SV2B: variants seen among roughly 807,000 people sequenced by gnomAD.
SV2B encodes solute carrier family 22 member B2.
SV2B carries 41 observed loss-of-function variants against 73.9 expected under a neutral mutation model. That is an observed-to-expected ratio of 0.56 (90% confidence interval 0.43 to 0.72). SV2B has a LOEUF of 0.72. Among genes scored for constraint, SV2B ranks in the 30% least tolerant of loss-of-function variants. The probability of loss-of-function intolerance (pLI) is 0.00; values close to 1 mark genes in which losing one functional copy is unlikely to be tolerated. For synonymous variants in SV2B, 314 were observed against 314.2 expected, an observed-to-expected ratio of 1.00 and a Z score of 0.01; for missense variants, 764 against 857.8, an observed-to-expected ratio of 0.89 and a Z score of 1.37.
chr15:91,109,113 C>G (rs1266094430), intron 1 of SV2B, among the ~76,000 whole-genome samples: 1 of 152,216 alleles, frequency 6.6e-6, no homozygotes, highest in African/African-American at 2.4e-5. Context: ...CATCCTTCCT[C>G]CTGTGCCCAT....
rs539217445 is a variant in SV2B at position 91,289,229 on chromosome 15, CT to C, written c.1709-291del. Among the ~76,000 whole-genome samples the C allele has an allele frequency of 5.1e-4, 78 of 152,326 alleles. 1 individual carries two copies. Among genetic ancestry groups the C allele is most frequent in the African/African-American group, 1.9e-3 (77 of 41,572 alleles). On this transcript the variant is annotated intron_variant, in intron 11 of 12. Coordinates refer to ENST00000394232, the MANE Select transcript of SV2B (RefSeq NM_001323032.3). This position sits in a 1 kb window ranked among gnomAD's most constrained non-coding sequence, Gnocchi z 4.9. ...CATAATAGATTCTCAACAAATGCCC[CT>C]ATCTGCCCCGTCCCGTCACTCTGAG...
At position 91,266,677 on chromosome 15, in the gene SV2B, G is replaced by C. The variant is rs1319047656; in HGVS notation, c.1104G>C (p.Lys368Asn). Residue 368 changes from lysine (K) to asparagine (N), a missense_variant, in exon 7 of 13, where the codon AAG (lysine) becomes AAC (asparagine). Physicochemically the swap from Lys to Asn is moderately conservative, Grantham distance 94. Transcript: ENST00000394232. ...ACCAGCGCTGGCTGGTCAGATTCAA[G>C]ACCATTTTCAAGCAGGTATGATTGG... ...TWYQRWLVRF[K>N]TIFKQVWDNA... 1.2e-6 allele frequency: 2 copies of C among 1,613,650 alleles called. No homozygotes were observed. Among genetic ancestry groups the C allele is most frequent in the Admixed American group, 1.7e-5 (1 of 59,958 alleles).
At chr15:91,161,675 T>C (rs775565699) in intron 1 of SV2B, among the ~76,000 whole-genome samples, 3 of 152,160 alleles carry the variant, frequency 2.0e-5, no homozygotes, top group Non-Finnish European at 2.9e-5. Context: ...GTTAATTAAC[T>C]TGTACCAGGT....
At chr15:91,175,497 G>C (rs2044271789) in intron 1 of SV2B, among the ~76,000 whole-genome samples, 1 of 151,936 alleles carries the variant, frequency 6.6e-6, no homozygotes, top group Non-Finnish European at 1.5e-5. Flanking sequence ...CTCGTGATCC[G>C]CCAGCCTCAG....
In SV2B at chr15:91,197,236, G is replaced by A. The variant is rs1440042325; in HGVS notation, c.-391-28637G>A. Reference sequence around the variant, plus strand: ...TTTGTTTTTTGTTTTGTTTTGTTTTGTTTTGTTTTGAGACAGAGTTTCATT... The same window carrying A: ...TTTGTTTTTTGTTTTGTTTTGTTTTATTTTGTTTTGAGACAGAGTTTCATT... On this transcript the variant is annotated intron_variant, in intron 1 of 12. Coordinates refer to ENST00000394232, the MANE Select transcript of SV2B (RefSeq NM_001323032.3). This position sits in a 1 kb window ranked among gnomAD's most constrained non-coding sequence, Gnocchi z 4.9. 6.6e-6 allele frequency among the ~76,000 whole-genome samples: 1 copy of A among 150,560 alleles called. No homozygotes were observed. Among genetic ancestry groups the A allele is most frequent in the African/African-American group, 2.5e-5 (1 of 40,158 alleles).
rs1411437310 is a variant in SV2B, at chr15:91,106,343, T to C, written c.-392+5980T>C. Among the ~76,000 whole-genome samples, 2 of 152,206 alleles carry C rather than the reference T, an allele frequency of 1.3e-5. No individual in the cohort carries two copies. Among genetic ancestry groups the C allele is most frequent in the African/African-American group, 4.8e-5 (2 of 41,452 alleles). On this transcript the variant is annotated intron_variant, in intron 1 of 12. Transcript: ENST00000394232. The surrounding 1 kb of genome is among the most constrained non-coding windows in gnomAD (Gnocchi z 4.4). ...GTATCATTAGCATGTTATTTATTTT[T>C]CCGTGAGCCAAGTCACTGCTGTATC... is the stretch of plus-strand genomic sequence containing the variant.
At chr15:91,181,826 A>G (rs1344320313) in intron 1 of SV2B, among the ~76,000 whole-genome samples, 1 of 151,832 alleles carries the variant, frequency 6.6e-6, no homozygotes, top group Non-Finnish European at 1.5e-5. Flanking sequence ...AAGTAATGTA[A>G]GAAAATTCAC....
intron 1 of SV2B, among the ~76,000 whole-genome samples, chr15:91,159,706 C>T (rs141639737): frequency 1.1e-4 from 17 of 152,134 alleles, no homozygotes; most frequent in African/African-American, 3.4e-4. Context: ...CAACTAAATA[C>T]GACCATGAAA....
Position 91,290,523 on chromosome 15 carries a change from C to G in SV2B, c.1868+843C>G, listed in dbSNP as rs2049005599. 6.6e-6 allele frequency among the ~76,000 whole-genome samples: 1 copy of G among 152,002 alleles called. No homozygotes were observed. Among genetic ancestry groups the G allele is most frequent in the Non-Finnish European group, 1.5e-5 (1 of 67,988 alleles). Reference sequence around the variant, plus strand: ...TCCTAAGAGAATTAACTTATGAGACCACTATAGACAAAAAGACAATGTGGT... The same window carrying G: ...TCCTAAGAGAATTAACTTATGAGACGACTATAGACAAAAAGACAATGTGGT... On this transcript the variant is annotated intron_variant, in intron 12 of 12. Transcript: ENST00000394232. This position sits in a 1 kb window ranked among gnomAD's most constrained non-coding sequence, Gnocchi z 4.7.
Position 91,296,875 on chromosome 15 carries a change from G to T in SV2B, c.*4323G>T. 7.7e-6 allele frequency: 1 copy of T among 129,490 alleles called. No homozygotes were observed. The highest frequency in any genetic ancestry group is 3.1e-5 in the African/African-American group (1 of 32,748). 8.0% of individuals were successfully genotyped at this position (129,490 alleles called of 1,614,324 possible). ...GGGCGCACGCTCCTTCTGCCCGATC[G>T]TTGGGCGCACGCTCCTTCTGCCCGA... On this transcript the variant is annotated 3_prime_UTR_variant, in exon 13 of 13. Coordinates refer to ENST00000394232, the MANE Select transcript of SV2B (RefSeq NM_001323032.3).
chr15:91,193,625 A>T (rs2045130384), intron 1 of SV2B, among the ~76,000 whole-genome samples: 1 of 152,200 alleles, frequency 6.6e-6, no homozygotes, highest in Non-Finnish European at 1.5e-5. Flanking sequence ...AAGCACAAGG[A>T]CATTCTGCCA....
chr15:91,170,065 A>G (rs1193925733), intron 1 of SV2B, among the ~76,000 whole-genome samples: 1 of 152,166 alleles, frequency 6.6e-6, no homozygotes, highest in Non-Finnish European at 1.5e-5. Context: ...TAAATCATCA[A>G]AGGTTTAAAA....
chr15:91,255,133 T>C (rs2047638441), intron 4 of SV2B, among the ~76,000 whole-genome samples: 1 of 152,126 alleles, frequency 6.6e-6, no homozygotes, highest in African/African-American at 2.4e-5. Flanking sequence ...CCCACCTCTT[T>C]TTTTCACTTC....
In SV2B at chr15:91,289,720, G is replaced by A. The variant is rs2048978535; in HGVS notation, c.1868+40G>A. Reference sequence around the variant, plus strand: ...AGGCTTTCCTCAGGGACTTGTTTGGGCTTCTTTGGCCAGAAGTCTACCTGC... The same window carrying A: ...AGGCTTTCCTCAGGGACTTGTTTGGACTTCTTTGGCCAGAAGTCTACCTGC... On this transcript the variant is annotated intron_variant, in intron 12 of 12. Coordinates refer to ENST00000394232, the MANE Select transcript of SV2B (RefSeq NM_001323032.3). The surrounding 1 kb of genome is among the most constrained non-coding windows in gnomAD (Gnocchi z 4.9). 6.3e-7 allele frequency: 1 copy of A among 1,594,702 alleles called. No homozygotes were observed. The highest frequency in any genetic ancestry group is 8.5e-7 in the Non-Finnish European group (1 of 1,170,050).
intron 1 of SV2B, among the ~76,000 whole-genome samples, chr15:91,199,448 C>T (rs999987279): frequency 1.3e-5 from 2 of 152,194 alleles, no homozygotes; most frequent in African/African-American, 4.8e-5. Context: ...TCCTTTCTCC[C>T]TGAGAGCCAC....
In SV2B at chr15:91,119,928, G is replaced by A. The variant is rs543941134; in HGVS notation, c.-392+19565G>A. Among the ~76,000 whole-genome samples, 295 of 152,188 alleles carry A rather than the reference G, an allele frequency of 1.9e-3. 2 individuals are homozygous for A. Among genetic ancestry groups the A allele is most frequent in the African/African-American group, 5.9e-3 (246 of 41,508 alleles). The stretch of plus-strand genomic sequence containing the variant: ...TATGTCCATTTTAAATTAAGCATTA[G>A]TGTTTTCCATATTTGTAAAAGCTCC... On this transcript the variant is annotated intron_variant, in intron 1 of 12. Transcript: ENST00000394232.
At chr15:91,209,107 G>GTTTTTTT (rs1362781398) in intron 1 of SV2B, among the ~76,000 whole-genome samples, 21 of 121,942 alleles carry the variant, frequency 1.7e-4, no homozygotes, top group African/African-American at 5.9e-4. Flanking sequence ...TGGCAGTACT[G>GTTTTTTT]TTTTTTGTTT....
At chr15:91,187,229 GA>G (rs761960669) in intron 1 of SV2B, among the ~76,000 whole-genome samples, 2 of 152,220 alleles carry the variant, frequency 1.3e-5, no homozygotes, top group Non-Finnish European at 2.9e-5. Flanking sequence ...ACTGCCTGAG[GA>G]AATATTTCTC....
At chr15:91,107,878 G>GGGATTATAGGTGTGAGTCACCATGCCCA in intron 1 of SV2B, among the ~76,000 whole-genome samples, 1 of 152,154 alleles carries the variant, frequency 6.6e-6, no homozygotes. Flanking sequence ...CCAAAGTGGT[G>GGGATTATAGGTGTGAGTCACCATGCCCA]GGATTATAGG....
Sources: allele counts gnomAD v4.1 joint callset (sites outside exome capture counted in the v4.1 genomes callset), GRCh38; gene constraint gnomAD v4.1.1; non-coding constraint Gnocchi (gnomAD v3.1); transcripts MANE v1.5; gene names NCBI Gene and HGNC (gene_info 2026-07-23, HGNC 2026-07-21).